ZPBP: variants seen among roughly 807,000 people sequenced by gnomAD.
ZPBP encodes the protein zona pellucida binding protein.
ZPBP carries 26 observed loss-of-function variants against 44.8 expected under a neutral mutation model. The ratio of observed to expected loss-of-function variants is 0.58; its 90% CI spans 0.43 to 0.81. The LOEUF is 0.81. Among genes scored for constraint, ZPBP ranks in the 30% least tolerant of loss-of-function variants. The pLI is 0.00. For synonymous variants in ZPBP, 174 were observed against 153.2 expected (o/e 1.14, Z -1.00); for missense variants, 409 against 434.0 (o/e 0.94, Z 0.51).
intron 2 of ZPBP, among the ~76,000 whole-genome samples, chr7:49,854,507 T>C (rs111642858): frequency 1.3e-5 from 2 of 152,360 alleles, no homozygotes; most frequent in African/African-American, 4.8e-5. Flanking sequence ...TGCATAAATG[T>C]CTTCTTTTGA....
At chr7:50,054,321 T>C (rs905079206) in intron 4 of ZPBP, among the ~76,000 whole-genome samples, 11 of 152,208 alleles carry the variant, frequency 7.2e-5, no homozygotes, top group African/African-American at 2.6e-4. Context: ...AGGTAGAAAT[T>C]ACTTAAAGCA....
At chr7:49,910,893 T>C (rs1007291364) in intron 1 of ZPBP, among the ~76,000 whole-genome samples, 2 of 152,136 alleles carry the variant, frequency 1.3e-5, no homozygotes, top group Non-Finnish European at 2.9e-5. Flanking sequence ...AACCCAAACC[T>C]AGTGAATCAC....
chr7:49,929,838 C>G lies in ZPBP; in HGVS notation n.411+5913G>C, dbSNP rs142980702. On this transcript the variant is annotated intron_variant and non_coding_transcript_variant, in intron 1 of 2. Transcript: ENST00000465922. ...ATGGGGACATTAAATGTACATGTTA[C>G]TAATGTGAAGGGTGTGTATCAACGC... 6.6e-5 allele frequency among the ~76,000 whole-genome samples: 10 copies of G among 152,216 alleles called. No individual in the cohort carries two copies. The East Asian group carries it at 1.9e-3, about 29-fold the overall frequency.
chr7:50,030,426 CAAA>C (rs1799552019), intron 5 of ZPBP, among the ~76,000 whole-genome samples: 1 of 148,748 alleles, frequency 6.7e-6, no homozygotes, highest in Non-Finnish European at 1.5e-5. Flanking sequence ...CCTAGATGGC[CAAA>C]AAAGAAAGAG....
chr7:50,020,338 T>A (rs1457643018), intron 5 of ZPBP, among the ~76,000 whole-genome samples: 3 of 152,142 alleles, frequency 2.0e-5, no homozygotes, highest in Non-Finnish European at 2.9e-5. Flanking sequence ...TGCAAAACTG[T>A]CAGAAACCAC....
chr7:50,075,176 G>T (rs968068163), intron 3 of ZPBP, among the ~76,000 whole-genome samples: 1 of 151,676 alleles, frequency 6.6e-6, no homozygotes, highest in South Asian at 2.1e-4. Context: ...ATGACCAGTG[G>T]GTTGTTAAAG....
At chr7:50,043,363 C>T (rs1007920654) in intron 4 of ZPBP, among the ~76,000 whole-genome samples, 5 of 152,104 alleles carry the variant, frequency 3.3e-5, no homozygotes, top group Non-Finnish European at 7.4e-5. Flanking sequence ...TCCTCTAGCA[C>T]CACTGGGTTA....
chr7:50,030,230 G>C (rs1295297829), intron 5 of ZPBP, among the ~76,000 whole-genome samples: 1 of 152,046 alleles, frequency 6.6e-6, no homozygotes, highest in African/African-American at 2.4e-5. Context: ...GAAGAGGAGA[G>C]AGAGGGAAGG....
At chr7:49,963,882 GGCCAGCATAA>G (rs1795955921) in intron 7 of ZPBP, among the ~76,000 whole-genome samples, 1 of 151,382 alleles carries the variant, frequency 6.6e-6, no homozygotes, top group Non-Finnish European at 1.5e-5. Context: ...GTTTTTGAAA[GGCCAGCATAA>G]TAAAAATGAA....
chr7:50,015,339 A>G (rs1798775102), intron 6 of ZPBP, among the ~76,000 whole-genome samples: 1 of 152,166 alleles, frequency 6.6e-6, no homozygotes, highest in Admixed American at 6.5e-5. Flanking sequence ...GTGTTTCTAT[A>G]TAAAGCATAG....
chr7:49,982,800 A>G (rs1010162963), intron 7 of ZPBP, among the ~76,000 whole-genome samples: 22 of 151,964 alleles, frequency 1.4e-4, no homozygotes, highest in Non-Finnish European at 3.1e-4. Flanking sequence ...CTTTGAATTC[A>G]TGTGCTCAAT....
Position 50,031,608 on chromosome 7 carries a change from A to G in ZPBP, c.488-298T>C, listed in dbSNP as rs1799612372. 2.0e-5 allele frequency among the ~76,000 whole-genome samples: 3 copies of G among 152,306 alleles called. No homozygotes were observed. In the South Asian group the frequency reaches 6.2e-4, roughly 32 times the overall value. ...ATGTCACATGTCCAATGCCTATGCT[A>G]TCAAAACTAAGATTCTAACTTACCG... On this transcript the variant is annotated intron_variant, in intron 4 of 7. Coordinates refer to ENST00000046087, the MANE Select transcript of ZPBP (RefSeq NM_007009.3).
intron 4 of ZPBP, among the ~76,000 whole-genome samples, chr7:50,056,031 T>A (rs1449610579): frequency 1.3e-5 from 2 of 152,240 alleles, no homozygotes; most frequent in Non-Finnish European, 2.9e-5. Flanking sequence ...TGGGAAAGTA[T>A]TTTTTGATTA....
downstream of ZPBP, among the ~76,000 whole-genome samples, chr7:49,934,065 A>AAG (rs1327182049): frequency 6.6e-6 from 1 of 151,522 alleles, no homozygotes; most frequent in African/African-American, 2.4e-5. Context: ...AAAAAAAAAA[A>AAG]AAGAACTAAG....
intron 1 of ZPBP, among the ~76,000 whole-genome samples, chr7:49,928,866 A>C (rs1367545803): frequency 6.6e-6 from 1 of 152,212 alleles, no homozygotes; most frequent in Non-Finnish European, 1.5e-5. Flanking sequence ...CAAATCCAAA[A>C]GCTGTTTCTC....
intron 3 of ZPBP, among the ~76,000 whole-genome samples, chr7:50,077,495 C>G (rs892709166): frequency 1.3e-5 from 2 of 151,560 alleles, no homozygotes; most frequent in Non-Finnish European, 3.0e-5. Context: ...CAAACTACCC[C>G]CTTTGACAAG....
intron 2 of ZPBP, among the ~76,000 whole-genome samples, chr7:50,088,060 G>C (rs1802759499): frequency 6.6e-6 from 1 of 151,962 alleles, no homozygotes; most frequent in Non-Finnish European, 1.5e-5. Context: ...AGATAGCAAA[G>C]TATCAGCATA....
At chr7:49,979,822 T>TAC (rs1300941563) in intron 7 of ZPBP, among the ~76,000 whole-genome samples, 1 of 85,462 alleles carries the variant, frequency 1.2e-5, no homozygotes, top group East Asian at 3.0e-4. Context: ...TCTGGAGTTA[T>TAC]ACATATATAT....
At chr7:49,866,483 C>T (rs1790895263) in intron 2 of ZPBP, among the ~76,000 whole-genome samples, 1 of 152,240 alleles carries the variant, frequency 6.6e-6, no homozygotes, top group South Asian at 2.1e-4. Context: ...TTGCAAGCCT[C>T]TGCTTGCATT....
Sources: gnomAD v4.1 joint callset for allele counts (sites outside exome capture counted in the v4.1 genomes callset) on GRCh38, gnomAD v4.1.1 for gene constraint, MANE v1.5 for transcripts, NCBI Gene and HGNC (gene_info 2026-07-23, HGNC 2026-07-21) for gene names.